Variants in CPNE5 observed in about 807,000 individuals in gnomAD.
CPNE5 encodes the protein copine 5, also known as copine-5.
CPNE5 carries 42 observed loss-of-function variants against 81.1 expected under a neutral mutation model. The ratio of observed to expected loss-of-function variants is 0.52; its 90% CI spans 0.40 to 0.67. The LOEUF is 0.67. CPNE5 is among the 30% of genes least tolerant of loss of function. The pLI is 0.00. For missense variants in CPNE5, 612 were observed against 815.5 expected (o/e 0.75, Z 3.04); for synonymous variants, 313 against 321.5 (o/e 0.97, Z 0.28).
At chr6:36,768,928 T>A (rs1296896577) in intron 10 of CPNE5, among the ~76,000 whole-genome samples, 1 of 152,108 alleles carries the variant, frequency 6.6e-6, no homozygotes, top group Non-Finnish European at 1.5e-5. Flanking sequence ...CTTTCCAAAT[T>A]GAGAAAAATC....
chr6:36,756,107 C>CCCCCCCG, intron 13 of CPNE5, 138 bp downstream of exon 13: 2 of 426,614 alleles, frequency 4.7e-6, no homozygotes, highest in Non-Finnish European at 9.0e-6. Flanking sequence ...CACCCCTCCC[C>CCCCCCCG]ACCCCATCTC....
At chr6:36,772,430 A>C (rs1439600519) in intron 10 of CPNE5, among the ~76,000 whole-genome samples, 3 of 152,180 alleles carry the variant, frequency 2.0e-5, no homozygotes, top group East Asian at 3.8e-4. Context: ...GATGTGTAAC[A>C]GAGGCTTGTT....
In CPNE5 at chr6:36,746,356, A is replaced by G; in HGVS notation, c.1200+40T>C. The stretch of plus-strand genomic sequence containing the variant: ...ACCCCCAGCTTGTCACCTCACCCCC[A>G]GCCTGATCAGTCCTCTCTCCCACCA... On this transcript the variant is annotated intron_variant, in intron 16 of 20. Transcript: ENST00000244751. This position sits in a 1 kb window ranked among gnomAD's most constrained non-coding sequence, Gnocchi z 4.5. 1 of 1,033,782 alleles carries G rather than the reference A, an allele frequency of 9.7e-7. No homozygotes were observed. Among genetic ancestry groups the G allele is most frequent in the Non-Finnish European group, 1.3e-6 (1 of 784,264 alleles). 64.0% of individuals were successfully genotyped at this position (1,033,782 alleles called of 1,614,324 possible).
chr6:36,816,567 A>G (rs1771560606), intron 3 of CPNE5, among the ~76,000 whole-genome samples: 1 of 152,202 alleles, frequency 6.6e-6, no homozygotes, highest in Admixed American at 6.5e-5. Flanking sequence ...TTCTGGTAAC[A>G]GAGAGGTGAT....
intron 3 of CPNE5, among the ~76,000 whole-genome samples, chr6:36,816,867 C>G (rs1771590177): frequency 6.6e-6 from 1 of 152,164 alleles, no homozygotes; most frequent in South Asian, 2.1e-4. Context: ...CAACCTCTGT[C>G]TCCTGGGTTC....
Position 36,792,328 on chromosome 6 carries a change from C to A in CPNE5, c.465-232G>T, listed in dbSNP as rs532302779. On this transcript the variant is annotated intron_variant, in intron 7 of 20. Coordinates refer to ENST00000244751, the MANE Select transcript of CPNE5 (RefSeq NM_020939.2). ...TGGAGCTGCCCCACCCCCTGCTCCC[C>A]GAGAGCCCACCAGGAAGGGTAGTGC... is the stretch of plus-strand genomic sequence containing the variant. The A allele has an allele frequency of 2.0e-6, 3 of 1,523,848 alleles. No homozygotes were observed. In the African/African-American group the frequency reaches 4.1e-5, roughly 21 times the overall value. 94.4% of individuals were successfully genotyped at this position (1,523,848 alleles called of 1,614,324 possible).
chr6:36,780,681 A>G (rs938745841), intron 8 of CPNE5, among the ~76,000 whole-genome samples: 8 of 152,178 alleles, frequency 5.3e-5, no homozygotes, highest in Non-Finnish European at 1.0e-4. Flanking sequence ...TCCCACCTCC[A>G]GCACCTCACT....
intron 3 of CPNE5, among the ~76,000 whole-genome samples, chr6:36,818,700 T>G (rs1445647177): frequency 6.6e-6 from 1 of 152,224 alleles, no homozygotes; most frequent in Non-Finnish European, 1.5e-5. Context: ...CAGAAAGGGC[T>G]GGAGCCAGGA....
chr6:36,799,740 T>C (rs548741521), intron 4 of CPNE5, among the ~76,000 whole-genome samples: 1 of 152,270 alleles, frequency 6.6e-6, no homozygotes, highest in Non-Finnish European at 1.5e-5. Flanking sequence ...ATCCCCAACT[T>C]AACTGAGACG....
At chr6:36,768,024 G>A (rs1336434615) in intron 10 of CPNE5, among the ~76,000 whole-genome samples, 2 of 152,108 alleles carry the variant, frequency 1.3e-5, no homozygotes, top group Non-Finnish European at 2.9e-5. Context: ...CCCAGGTTGA[G>A]ACCACTGAAT....
At chr6:36,753,211 C>CA in intron 13 of CPNE5, 116 bp from the exon 14 acceptor site, 14 of 738,142 alleles carry the variant, frequency 1.9e-5, no homozygotes, top group Non-Finnish European at 3.4e-5. Flanking sequence ...GCATGCATGA[C>CA]TGCATGCACT....
In CPNE5 at chr6:36,827,501, C is replaced by T. The variant is rs376799236; in HGVS notation, c.96-4403G>A. 2.5e-5 allele frequency: 25 copies of T among 985,412 alleles called. No individual in the cohort carries two copies. In the East Asian group the frequency reaches 1.4e-3, roughly 54 times the overall value. 61.0% of individuals were successfully genotyped at this position (985,412 alleles called of 1,614,324 possible). A position where few individuals can be genotyped will look rare whatever the true frequency, so the allele number is the denominator to read the frequency against. On this transcript the variant is annotated intron_variant, in intron 1 of 20. Coordinates refer to ENST00000244751, the MANE Select transcript of CPNE5 (RefSeq NM_020939.2). Reference sequence around the variant, plus strand: ...TTTATCCAAGTGGCCGCCAGAGATCCCCCTATTATGTCTCTGATGGCAGCC... The same window carrying T: ...TTTATCCAAGTGGCCGCCAGAGATCTCCCTATTATGTCTCTGATGGCAGCC...
In CPNE5 at chr6:36,798,512, A is replaced by G; in HGVS notation, c.288-18T>C. On this transcript the variant is annotated intron_variant, in intron 4 of 20. Coordinates refer to ENST00000244751, the MANE Select transcript of CPNE5 (RefSeq NM_020939.2). The stretch of plus-strand genomic sequence containing the variant: ...CGTCGTATCTGCAGGGAACACAGAG[A>G]AACGATGAAGGCAGCTGCGGACGTT... The G allele has an allele frequency of 1.2e-6, 2 of 1,613,718 alleles. No homozygotes were observed. Among genetic ancestry groups the G allele is most frequent in the Non-Finnish European group, 1.7e-6 (2 of 1,179,642 alleles).
intron 3 of CPNE5, among the ~76,000 whole-genome samples, chr6:36,802,239 A>C (rs1015788058): frequency 6.6e-6 from 1 of 150,418 alleles, no homozygotes; most frequent in Non-Finnish European, 1.5e-5. Context: ...AAAAAAAAAA[A>C]AAAAAAGGTT....
chr6:36,756,216 C>T (rs372979504), intron 13 of CPNE5, 29 bp downstream of exon 13: 204 of 1,606,092 alleles, frequency 1.3e-4, no homozygotes, highest in Middle Eastern at 1.6e-4. Context: ...TGTCTACACC[C>T]GGCTGCAGAG....
intron 3 of CPNE5, among the ~76,000 whole-genome samples, chr6:36,806,315 G>T (rs1047979755): frequency 6.6e-6 from 1 of 152,166 alleles, no homozygotes; most frequent in African/African-American, 2.4e-5. Flanking sequence ...TGGCCAGTGG[G>T]AGACACTGGT....
At chr6:36,818,645 A>G (rs1457471660) in intron 3 of CPNE5, among the ~76,000 whole-genome samples, 1 of 152,212 alleles carries the variant, frequency 6.6e-6, no homozygotes, top group African/African-American at 2.4e-5. Context: ...AGATGTGGAA[A>G]CTGAGGTGCA....
At chr6:36,810,143 GT>G (rs1770970635) in intron 3 of CPNE5, among the ~76,000 whole-genome samples, 3 of 152,000 alleles carry the variant, frequency 2.0e-5, no homozygotes. Flanking sequence ...GCATGCGTGG[GT>G]GGCTCTCTGC....
chr6:36,777,690 C>T (rs1220222180), intron 9 of CPNE5, among the ~76,000 whole-genome samples: 2 of 151,536 alleles, frequency 1.3e-5, no homozygotes, highest in Non-Finnish European at 2.9e-5. Context: ...TTCAGGAAAA[C>T]TGATTTTTAA....
Sources: gnomAD v4.1 joint callset for allele counts (sites outside exome capture counted in the v4.1 genomes callset) on GRCh38, gnomAD v4.1.1 for gene constraint, Gnocchi (gnomAD v3.1) non-coding constraint, MANE v1.5 for transcripts, NCBI Gene and HGNC (gene_info 2026-07-23, HGNC 2026-07-21) for gene names.